AFG2A: variants seen among roughly 807,000 people sequenced by gnomAD.
The protein encoded by AFG2A is ATPase family gene 2 protein homolog A.
the AFG2A span, among the ~76,000 whole-genome samples, chr4:123,258,469 GA>G: frequency 6.6e-6 from 1 of 152,070 alleles, no homozygotes; most frequent in African/African-American, 2.4e-5. Flanking sequence ...AAACTGTGGG[GA>G]AAAAAGATTT....
At chr4:123,044,558 C>T in the AFG2A span, among the ~76,000 whole-genome samples, 1 of 152,174 alleles carries the variant, frequency 6.6e-6, no homozygotes, top group Admixed American at 6.6e-5. Flanking sequence ...AAACTGTTTT[C>T]AAACTGGTAT....
At chr4:122,991,558 A>G in the AFG2A span, among the ~76,000 whole-genome samples, 20 of 152,156 alleles carry the variant, frequency 1.3e-4, no homozygotes, top group African/African-American at 3.6e-4. Flanking sequence ...TTAAGTCGCT[A>G]ATTTTTGGGG....
the AFG2A span, among the ~76,000 whole-genome samples, chr4:123,025,753 G>A: frequency 2.6e-5 from 4 of 152,008 alleles, no homozygotes; most frequent in Non-Finnish European, 4.4e-5. Flanking sequence ...ATACCAATAT[G>A]TATGGTTTCT....
At chr4:122,989,708 C>T in the AFG2A span, among the ~76,000 whole-genome samples, 1 of 152,086 alleles carries the variant, frequency 6.6e-6, no homozygotes, top group African/African-American at 2.4e-5. Context: ...AGGGCAAGTA[C>T]TGGAATCTGT....
At chr4:123,248,376 T>G in the AFG2A span, among the ~76,000 whole-genome samples, 3 of 152,214 alleles carry the variant, frequency 2.0e-5, no homozygotes, top group Non-Finnish European at 4.4e-5. Flanking sequence ...TAAAAATTAC[T>G]AAATTGCATA....
the AFG2A span, among the ~76,000 whole-genome samples, chr4:123,020,848 T>G: frequency 5.8e-4 from 89 of 152,354 alleles, no homozygotes; most frequent in African/African-American, 2.0e-3. Context: ...AATCTTTTTG[T>G]ATTTCCTGAA....
the AFG2A span, among the ~76,000 whole-genome samples, chr4:123,215,922 T>G: frequency 5.3e-5 from 8 of 152,188 alleles, no homozygotes; most frequent in Non-Finnish European, 1.0e-4. Flanking sequence ...GTTTTTTACT[T>G]CACTCTTGAA....
chr4:123,237,672 C>CAAAAA, the AFG2A span, among the ~76,000 whole-genome samples: 165 of 66,620 alleles, frequency 2.5e-3, 4 homozygotes, highest in African/African-American at 9.4e-3. Context: ...AACCTTGTCT[C>CAAAAA]AAAAAAAAAA....
the AFG2A span, among the ~76,000 whole-genome samples, chr4:122,980,706 A>G: frequency 2.5e-3 from 386 of 152,214 alleles, 2 homozygotes; most frequent in African/African-American, 8.7e-3. Context: ...GTGAGGTGAT[A>G]TCTCATTATA....
the AFG2A span, among the ~76,000 whole-genome samples, chr4:123,308,857 AGTAAGTGCTTTGGCT>A: frequency 6.6e-6 from 1 of 152,224 alleles, no homozygotes; most frequent in South Asian, 2.1e-4. Flanking sequence ...CCAGAGCACA[AGTAAGTGCTTTGGCT>A]GCTACCACTG....
At chr4:123,233,314 G>A in the AFG2A span, among the ~76,000 whole-genome samples, 6 of 151,100 alleles carry the variant, frequency 4.0e-5, no homozygotes, top group Admixed American at 6.6e-5. Flanking sequence ...CTCCTATCCC[G>A]CACCCTCAGA....
At chr4:123,165,074 TAAA>T in the AFG2A span, among the ~76,000 whole-genome samples, 1 of 149,298 alleles carries the variant, frequency 6.7e-6, no homozygotes, top group East Asian at 1.9e-4. Flanking sequence ...GAGTGAACTG[TAAA>T]AAAAAAATAC....
the AFG2A span, chr4:122,938,248 C>T: frequency 1.2e-5 from 19 of 1,594,436 alleles, no homozygotes; most frequent in Non-Finnish European, 1.5e-5. Flanking sequence ...GGCATTGGTT[C>T]AGTAAGTATA....
the AFG2A span, among the ~76,000 whole-genome samples, chr4:123,180,978 C>CTTTTTTTT: frequency 5.1e-5 from 6 of 118,364 alleles, no homozygotes; most frequent in Non-Finnish European, 8.5e-5. Flanking sequence ...TCCTCCCCCT[C>CTTTTTTTT]TTTTTTTTTT....
the AFG2A span, among the ~76,000 whole-genome samples, chr4:123,305,396 G>A: frequency 3.3e-5 from 5 of 152,130 alleles, no homozygotes; most frequent in Non-Finnish European, 1.5e-5. Context: ...CCACTCTCAT[G>A]GGTATGTTTG....
At chr4:122,983,137 A>T in the AFG2A span, among the ~76,000 whole-genome samples, 1 of 152,070 alleles carries the variant, frequency 6.6e-6, no homozygotes, top group Non-Finnish European at 1.5e-5. Flanking sequence ...AAGTGCTAGG[A>T]TTACAGGTGT....
At chr4:123,226,179 T>A in the AFG2A span, among the ~76,000 whole-genome samples, 1 of 152,220 alleles carries the variant, frequency 6.6e-6, no homozygotes. Flanking sequence ...TGACTTCCTC[T>A]TTTCCTAATT....
At chr4:123,106,991 G>T in the AFG2A span, among the ~76,000 whole-genome samples, 1 of 152,222 alleles carries the variant, frequency 6.6e-6, no homozygotes, top group African/African-American at 2.4e-5. Flanking sequence ...CTGGCTCCAT[G>T]CAAGGCTGTG....
the AFG2A span, among the ~76,000 whole-genome samples, chr4:123,208,523 C>T: frequency 2.6e-5 from 4 of 152,256 alleles, no homozygotes; most frequent in South Asian, 8.3e-4. Context: ...ACTATATAGC[C>T]ACTGATTTGG....
Sources: allele counts gnomAD v4.1 joint callset (sites outside exome capture counted in the v4.1 genomes callset), GRCh38; gene constraint gnomAD v4.1.1; transcripts MANE v1.5; gene names NCBI Gene and HGNC (gene_info 2026-07-23, HGNC 2026-07-21).